CSMD2: variants seen among roughly 807,000 people sequenced by gnomAD.
The protein encoded by CSMD2 is CUB and Sushi multiple domains 2, also known as CUB and sushi domain-containing protein 2.
A neutral mutation model predicts 398.5 loss-of-function variants in CSMD2; 130 were observed. That is an observed-to-expected ratio of 0.33 (90% confidence interval 0.28 to 0.38). The LOEUF (loss-of-function observed/expected upper bound fraction) is 0.38, where lower values mean the gene tolerates loss of function less well. Among genes scored for constraint, CSMD2 ranks in the 10% least tolerant of loss-of-function variants. CSMD2 has a pLI of 1.00. For missense variants in CSMD2, 3,829 were observed against 4,764.9 expected (o/e 0.80, Z 5.78); for synonymous variants, 1,828 against 1,908.5 (o/e 0.96, Z 1.10).
At chr1:34,079,837 A>G (rs1656853417) in intron 2 of CSMD2, among the ~76,000 whole-genome samples, 1 of 152,174 alleles carries the variant, frequency 6.6e-6, no homozygotes, top group African/African-American at 2.4e-5. Context: ...GATAAAAGGA[A>G]GTAACAGTAA....
At chr1:34,152,945 G>A (rs183891037) in intron 1 of CSMD2, among the ~76,000 whole-genome samples, 238 of 152,276 alleles carry the variant, frequency 1.6e-3, no homozygotes, top group African/African-American at 5.3e-3. Context: ...GAATTTGCCT[G>A]TGCTAAATAC....
intron 3 of CSMD2, among the ~76,000 whole-genome samples, chr1:33,946,299 A>G (rs1644834803): frequency 6.6e-6 from 1 of 152,254 alleles, no homozygotes; most frequent in Non-Finnish European, 1.5e-5. Context: ...AATAAGATAA[A>G]CCTGAGTTGC....
At chr1:33,711,100 G>A (rs1645972233) in intron 21 of CSMD2, among the ~76,000 whole-genome samples, 1 of 152,190 alleles carries the variant, frequency 6.6e-6, no homozygotes, top group African/African-American at 2.4e-5. Context: ...AGGCTCCCTG[G>A]GGGCAGTGGC....
intron 3 of CSMD2, among the ~76,000 whole-genome samples, chr1:34,020,467 G>C (rs921325742): frequency 6.6e-6 from 1 of 152,160 alleles, no homozygotes; most frequent in Non-Finnish European, 1.5e-5. Flanking sequence ...ACAACGCCCT[G>C]AGCAAGGCCA....
At chr1:33,844,059 C>T (rs1661122317) in intron 6 of CSMD2, among the ~76,000 whole-genome samples, 1 of 152,230 alleles carries the variant, frequency 6.6e-6, no homozygotes, top group South Asian at 2.1e-4. Context: ...AAACCCTCTA[C>T]CGTTAAAGCT....
intron 2 of CSMD2, among the ~76,000 whole-genome samples, chr1:34,086,277 A>T (rs1657879100): frequency 6.6e-6 from 1 of 152,194 alleles, no homozygotes; most frequent in Non-Finnish European, 1.5e-5. Flanking sequence ...TGAGCTCAAA[A>T]TCTGATGGAG....
At chr1:33,986,588 C>G (rs899495143) in intron 3 of CSMD2, among the ~76,000 whole-genome samples, 1 of 152,226 alleles carries the variant, frequency 6.6e-6, no homozygotes, top group Non-Finnish European at 1.5e-5. Flanking sequence ...CAGGCCATGA[C>G]TCAGACTGTT....
At chr1:34,159,858 C>T (rs750426755) in intron 1 of CSMD2, among the ~76,000 whole-genome samples, 9 of 152,292 alleles carry the variant, frequency 5.9e-5, no homozygotes, top group Non-Finnish European at 1.0e-4. Context: ...TTCCTTTGGC[C>T]CCAGCTTCTA....
At chr1:33,925,119 T>C (rs1203909143) in intron 4 of CSMD2, among the ~76,000 whole-genome samples, 1 of 152,228 alleles carries the variant, frequency 6.6e-6, no homozygotes, top group Non-Finnish European at 1.5e-5. Context: ...CATAAAATCT[T>C]TGCCTAGACC....
At chr1:33,602,248 A>T in intron 43 of CSMD2, 121 bp downstream of exon 43, 1 of 1,026,586 alleles carries the variant, frequency 9.7e-7, no homozygotes, top group Non-Finnish European at 1.5e-6. Context: ...GGAGGCTGAC[A>T]GCCTTTAAAA....
chr1:33,698,962 G>T lies in CSMD2; in HGVS notation c.3734-18C>A, dbSNP rs750691282. ...TTCAAAGCCTGGTGAGGAGAGAAGA[G>T]GTAGAGTGAGTAAGACCTATTGTGG... On this transcript the variant is annotated intron_variant, in intron 23 of 70. Coordinates refer to ENST00000373381, the MANE Select transcript of CSMD2 (RefSeq NM_001281956.2). 6.2e-7 allele frequency: 1 copy of T among 1,605,844 alleles called. No homozygotes were observed. Among genetic ancestry groups the T allele is most frequent in the Non-Finnish European group, 8.5e-7 (1 of 1,174,816 alleles).
chr1:33,908,222 A>C (rs1226815681), intron 5 of CSMD2, among the ~76,000 whole-genome samples: 2 of 152,224 alleles, frequency 1.3e-5, no homozygotes, highest in East Asian at 3.8e-4. Context: ...AACGTGAAAC[A>C]ACATGTAGGT....
intron 58 of CSMD2, 116 bp downstream of exon 58, chr1:33,542,604 G>A (rs1467115745): frequency 5.5e-6 from 5 of 907,018 alleles, no homozygotes; most frequent in African/African-American, 5.0e-5. Flanking sequence ...TATCGTTCAG[G>A]TTCAAGTCCG....
chr1:33,808,056 A>G (rs1453363122), intron 10 of CSMD2, among the ~76,000 whole-genome samples: 1 of 152,078 alleles, frequency 6.6e-6, no homozygotes, highest in African/African-American at 2.4e-5. Flanking sequence ...AAACAGTTCA[A>G]TTTACCAGGA....
intron 15 of CSMD2, among the ~76,000 whole-genome samples, chr1:33,736,115 A>G (rs1557813928): frequency 1.3e-5 from 2 of 152,314 alleles, no homozygotes; most frequent in Admixed American, 6.5e-5. Context: ...AGGGTCTCCA[A>G]TAGACTGTCC....
intron 32 of CSMD2, among the ~76,000 whole-genome samples, chr1:33,629,496 CAAG>C (rs1642336525): frequency 6.6e-6 from 1 of 152,162 alleles, no homozygotes; most frequent in Admixed American, 6.5e-5. Flanking sequence ...GCTAGATATA[CAAG>C]AAGACAACAA....
chr1:34,154,724 AG>A (rs1640643326), intron 1 of CSMD2, among the ~76,000 whole-genome samples: 1 of 108,128 alleles, frequency 9.2e-6, no homozygotes, highest in Non-Finnish European at 1.7e-5. Context: ...ATAAGGATCC[AG>A]GCTTTTTTTT....
At chr1:33,716,044 T>C (rs973793525) in intron 20 of CSMD2, among the ~76,000 whole-genome samples, 5 of 152,166 alleles carry the variant, frequency 3.3e-5, no homozygotes, top group African/African-American at 1.2e-4. Context: ...TCAGAGCAAA[T>C]CCTAAACACC....
At chr1:33,698,629 G>A in intron 24 of CSMD2, 124 bp downstream of exon 24, 2 of 808,398 alleles carry the variant, frequency 2.5e-6, no homozygotes, top group South Asian at 2.1e-5. Context: ...GTTAACAAGA[G>A]GATTCAGTCC....
Sources: allele counts gnomAD v4.1 joint callset (sites outside exome capture counted in the v4.1 genomes callset), GRCh38; gene constraint gnomAD v4.1.1; transcripts MANE v1.5; gene names NCBI Gene and HGNC (gene_info 2026-07-23, HGNC 2026-07-21).